Variants in MBNL2 observed in about 807,000 individuals in gnomAD.
MBNL2 encodes muscleblind-like protein 2.
Under a neutral mutation model 41.9 loss-of-function variants are expected in MBNL2, and 17 were observed. That is an observed-to-expected ratio of 0.41 (90% confidence interval 0.28 to 0.61). MBNL2 has a LOEUF of 0.61. Among genes scored for constraint, MBNL2 ranks in the 20% least tolerant of loss-of-function variants. The pLI is 0.35. For missense variants in MBNL2, 336 were observed against 505.6 expected (o/e 0.66, Z 3.22); for synonymous variants, 195 against 182.9 (o/e 1.07, Z -0.53).
intron 2 of MBNL2, among the ~76,000 whole-genome samples, chr13:97,290,563 C>T (rs1359785981): frequency 1.3e-5 from 2 of 151,962 alleles, no homozygotes; most frequent in Non-Finnish European, 2.9e-5. Flanking sequence ...GTAGTCCCAG[C>T]TACTCGGGAG....
intron 7 of MBNL2, among the ~76,000 whole-genome samples, chr13:97,362,409 G>A (rs1260700504): frequency 6.6e-6 from 1 of 152,030 alleles, no homozygotes; most frequent in Non-Finnish European, 1.5e-5. Flanking sequence ...AATAACAATT[G>A]AGCATTTTCT....
chr13:97,282,172 G>A (rs2053562783), intron 2 of MBNL2, among the ~76,000 whole-genome samples: 1 of 152,028 alleles, frequency 6.6e-6, no homozygotes, highest in Non-Finnish European at 1.5e-5. Flanking sequence ...GGGCAACATA[G>A]TGAGACCCCA....
the MBNL2 span, among the ~76,000 whole-genome samples, chr13:97,142,664 T>C: frequency 6.6e-6 from 1 of 152,322 alleles, no homozygotes; most frequent in South Asian, 2.1e-4. Flanking sequence ...CCGGCTTTCC[T>C]AGGTATCTCC....
chr13:97,323,918 TACAA>T (rs1236378060), intron 2 of MBNL2, among the ~76,000 whole-genome samples: 3 of 152,210 alleles, frequency 2.0e-5, no homozygotes, highest in Admixed American at 1.3e-4. Context: ...TCCTTTGAGT[TACAA>T]ACAATCCAAT....
At chr13:97,311,096 C>T (rs1012866886) in intron 2 of MBNL2, among the ~76,000 whole-genome samples, 2 of 152,008 alleles carry the variant, frequency 1.3e-5, no homozygotes, top group Admixed American at 6.6e-5. Context: ...ATTCCAGTTA[C>T]ACTGAGGAAA....
At position 97,319,180 on chromosome 13, in the gene MBNL2, G is replaced by C. The variant is rs534756381; in HGVS notation, c.175-15096G>C. 2.6e-5 allele frequency among the ~76,000 whole-genome samples: 4 copies of C among 152,316 alleles called. No individual in the cohort carries two copies. The East Asian group carries it at 7.7e-4, about 29-fold the overall frequency. ...CAGACCTTGAACTTGGAGGCAAAAA[G>C]AGAAGCCTGCGGGACCCTGTAGCAT... On this transcript the variant is annotated intron_variant, in intron 2 of 8. Coordinates refer to ENST00000679496, the MANE Select transcript of MBNL2 (RefSeq NM_001382683.1).
At chr13:97,354,992 A>G (rs534803992) in intron 5 of MBNL2, among the ~76,000 whole-genome samples, 39 of 152,348 alleles carry the variant, frequency 2.6e-4, no homozygotes, top group Middle Eastern at 6.8e-3. Flanking sequence ...CAAAAAACAA[A>G]ACAAAAGAAA....
At chr13:97,312,280 A>C (rs1256659433) in intron 2 of MBNL2, among the ~76,000 whole-genome samples, 2 of 152,236 alleles carry the variant, frequency 1.3e-5, no homozygotes, top group African/African-American at 4.8e-5. Flanking sequence ...TTACATAAAA[A>C]GTATTTGATA....
At chr13:97,379,944 G>T (rs1285297178) in intron 8 of MBNL2, among the ~76,000 whole-genome samples, 4 of 152,174 alleles carry the variant, frequency 2.6e-5, no homozygotes, top group African/African-American at 9.7e-5. Context: ...CAAAAGATCT[G>T]AGTGGTCATT....
chr13:97,233,130 T>TATAC (rs2042654905), intron 1 of MBNL2, among the ~76,000 whole-genome samples: 1 of 40,478 alleles, frequency 2.5e-5, no homozygotes, highest in Non-Finnish European at 4.5e-5. Context: ...CTTTTTCATA[T>TATAC]ATATATATAT....
the MBNL2 span, among the ~76,000 whole-genome samples, chr13:97,156,692 G>A: frequency 6.8e-6 from 1 of 147,380 alleles, no homozygotes; most frequent in African/African-American, 2.5e-5. Flanking sequence ...GTTTGTCAAA[G>A]ATCAGATAGT....
the MBNL2 span, among the ~76,000 whole-genome samples, chr13:97,148,282 C>G: frequency 6.4e-3 from 967 of 152,032 alleles, 10 homozygotes; most frequent in Non-Finnish European, 0.01. Flanking sequence ...ACAATTCTGC[C>G]TGTAGGACCT....
chr13:97,257,884 A>G (rs566734442), intron 1 of MBNL2, among the ~76,000 whole-genome samples: 2 of 152,362 alleles, frequency 1.3e-5, no homozygotes, highest in South Asian at 2.1e-4. Context: ...AGGGCAGATC[A>G]GTGACTGTGA....
At chr13:97,365,026 C>T (rs2063741890) in intron 7 of MBNL2, 110 bp from the exon 8 acceptor site, 1 of 795,128 alleles carries the variant, frequency 1.3e-6, no homozygotes, top group African/African-American at 1.7e-5. Context: ...GTTAACTAAC[C>T]CTACTTATTT....
intron 8 of MBNL2, among the ~76,000 whole-genome samples, chr13:97,375,635 T>A (rs2064894014): frequency 6.6e-6 from 1 of 152,218 alleles, no homozygotes. Flanking sequence ...TTTCCCTGTT[T>A]TACATGTGAA....
At chr13:97,300,037 C>A (rs1029368503) in intron 2 of MBNL2, among the ~76,000 whole-genome samples, 18 of 152,084 alleles carry the variant, frequency 1.2e-4, no homozygotes, top group African/African-American at 4.3e-4. Flanking sequence ...GGCTCTAGGG[C>A]CTTAGAATTG....
intron 2 of MBNL2, among the ~76,000 whole-genome samples, chr13:97,329,113 G>A (rs1260587579): frequency 6.6e-6 from 1 of 152,078 alleles, no homozygotes; most frequent in Non-Finnish European, 1.5e-5. Flanking sequence ...GAATCAACAT[G>A]AGTATTCTGT....
intron 2 of MBNL2, among the ~76,000 whole-genome samples, chr13:97,329,047 T>C (rs2060150987): frequency 6.6e-6 from 1 of 152,218 alleles, no homozygotes; most frequent in Non-Finnish European, 1.5e-5. Flanking sequence ...AGCACCAATC[T>C]GTTGTTCTGT....
chr13:97,192,918 T>C, the MBNL2 span, among the ~76,000 whole-genome samples: 3 of 152,144 alleles, frequency 2.0e-5, no homozygotes, highest in African/African-American at 7.2e-5. Context: ...GGGTGAAAAA[T>C]AGACGTTAGT....
Sources: gnomAD v4.1 joint callset for allele counts (sites outside exome capture counted in the v4.1 genomes callset) on GRCh38, gnomAD v4.1.1 for gene constraint, MANE v1.5 for transcripts, NCBI Gene and HGNC (gene_info 2026-07-23, HGNC 2026-07-21) for gene names.